Variants in C2orf68 observed in about 807,000 individuals in gnomAD.
C2orf68 encodes the protein chromosome 2 open reading frame 68.
In C2orf68, 15 loss-of-function variants were observed where a neutral mutation model predicts 19.1. The observed-to-expected ratio is 0.79, with a 90% CI of 0.53 to 1.21. C2orf68 has a LOEUF of 1.21. Ranked by LOEUF, C2orf68 falls within the 50% of genes most tolerant of loss-of-function variation. C2orf68 has a pLI of 0.00. For synonymous variants in C2orf68, 98 were observed against 91.0 expected (o/e 1.08, Z -0.44); for missense variants, 242 against 226.6 (o/e 1.07, Z -0.44).
intron 2 of C2orf68, chr2:85,611,450 G>A (rs1034391575): frequency 8.3e-5 from 128 of 1,540,638 alleles, no homozygotes; most frequent in Middle Eastern, 1.7e-4. Context: ...CTGGCTCCCC[G>A]ATACTCTGAC....
rs1015194413 is a variant in C2orf68 at position 85,605,904 on chromosome 2, T to C, written c.*3041A>G. On this transcript the variant is annotated 3_prime_UTR_variant, in exon 4 of 4. Coordinates refer to ENST00000306336, the MANE Select transcript of C2orf68 (RefSeq NM_001013649.4). ...GCATTTGTTGGCTGGGCTCCAACTC[T>C]CATTTGGTACAAAAAGCTTTACATT... 6.6e-6 allele frequency among the ~76,000 whole-genome samples: 1 copy of C among 152,208 alleles called. No homozygotes were observed. Among genetic ancestry groups the C allele is most frequent in the African/African-American group, 2.4e-5 (1 of 41,430 alleles).
intron 3 of C2orf68, 34 bp from the exon 4 acceptor site, chr2:85,609,101 T>A: frequency 6.2e-7 from 1 of 1,609,348 alleles, no homozygotes; most frequent in Non-Finnish European, 8.5e-7. Context: ...GCTCAGGGCC[T>A]GGCCTCTTCC....
rs1053012721 is a variant in C2orf68 at position 85,605,679 on chromosome 2, C to T, written c.*3266G>A. ...TATTCCTCTTTCTGCACACAAAGCC[C>T]TCATTTAAATTTGTGAGCCTGCTTG... On this transcript the variant is annotated 3_prime_UTR_variant, in exon 4 of 4. Transcript: ENST00000306336. Among the ~76,000 whole-genome samples the T allele has an allele frequency of 6.6e-6, 1 of 152,150 alleles. No homozygotes were observed. Among genetic ancestry groups the T allele is most frequent in the Admixed American group, 6.5e-5 (1 of 15,278 alleles).
In C2orf68 at chr2:85,611,991, C is replaced by T; in HGVS notation, c.-7G>A. 6.6e-7 allele frequency: 1 copy of T among 1,520,400 alleles called. No homozygotes were observed. The allele number at this position is 1,520,400 out of a possible 1,614,324, so 94.2% of individuals were successfully genotyped here. A position where few individuals can be genotyped will look rare whatever the true frequency, so the allele number is the denominator to read the frequency against. ...GATGCGGCCCCGCCTCCATCAGGAG[C>T]CGGGGACGCAGAGTCGCCGCCGCCT... On this transcript the variant is annotated 5_prime_UTR_variant, in exon 1 of 4. Transcript: ENST00000306336.
In C2orf68 at chr2:85,611,923, A is replaced by C. The variant is rs760315190; in HGVS notation, c.62T>G (p.Met21Arg). 4 of 1,589,206 alleles carry C rather than the reference A, an allele frequency of 2.5e-6. No individual in the cohort carries two copies. Among genetic ancestry groups the C allele is most frequent in the Non-Finnish European group, 3.4e-6 (4 of 1,174,300 alleles). Residue 21 changes from methionine to arginine, a missense_variant, in exon 1 of 4, where the codon ATG becomes AGG. By Grantham distance (91) the Met-to-Arg change is moderately conservative (BLOSUM62 -1). Coordinates refer to ENST00000306336, the MANE Select transcript of C2orf68 (RefSeq NM_001013649.4). ...HCCKPGGRLD[M>R]NHGFVHHIRR... ...GATATGGTGCACGAAGCCGTGGTTC[A>C]TGTCCAGCCGCCCCCCAGGCTTGCA...
chr2:85,607,351 TA>T lies in C2orf68; in HGVS notation c.*1593del, dbSNP rs1401513615. The T allele has an allele frequency of 1.3e-5, 2 of 152,132 alleles. No homozygotes were observed. Among genetic ancestry groups the T allele is most frequent in the Admixed American group, 6.5e-5 (1 of 15,278 alleles). The allele number at this position is 152,132 out of a possible 1,614,324, so 9.4% of individuals were successfully genotyped here. A position where few individuals can be genotyped will look rare whatever the true frequency, so the allele number is the denominator to read the frequency against. On this transcript the variant is annotated 3_prime_UTR_variant, in exon 4 of 4. Coordinates refer to ENST00000306336, the MANE Select transcript of C2orf68 (RefSeq NM_001013649.4). ...GGAGGCTTTGGAGGGTAGTTAACAT[TA>T]GAAGTCAAAAGGCACTTCTAGCCCA...
In C2orf68 at chr2:85,611,685, T is replaced by TA. The variant is rs900785219; in HGVS notation, c.208dup (p.Tyr70LeufsTer18). The TA allele has an allele frequency of 4.5e-6, 7 of 1,569,658 alleles. No individual in the cohort carries two copies. In the African/African-American group the frequency reaches 9.5e-5, roughly 21 times the overall value. ...GGCCTCACCTCGGTGTCGCGGCAGG[T>TA]ACACCTGCAGGTCTGGCTTGCGGGG... On this transcript the variant is annotated frameshift_variant, in exon 2 of 4. Coordinates refer to ENST00000306336, the MANE Select transcript of C2orf68 (RefSeq NM_001013649.4). LOFTEE classifies it high-confidence loss of function.
intron 3 of C2orf68, 90 bp downstream of exon 3, chr2:85,609,345 G>C: frequency 1.3e-6 from 2 of 1,520,396 alleles, no homozygotes; most frequent in Non-Finnish European, 1.8e-6. Context: ...TTCCCATTGG[G>C]GGTCCTGAGG....
At chr2:85,611,602 T>C (rs1573378155) in intron 2 of C2orf68, 66 bp downstream of exon 2, 2 of 1,554,790 alleles carry the variant, frequency 1.3e-6, no homozygotes, top group Non-Finnish European at 1.7e-6. Flanking sequence ...TTTTTCCCTA[T>C]AGAGAAGGGG....
intron 3 of C2orf68, among the ~76,000 whole-genome samples, 169 bp downstream of exon 3, chr2:85,609,264 CTG>C (rs1209219743): frequency 6.6e-6 from 1 of 152,234 alleles, no homozygotes; most frequent in African/African-American, 2.4e-5. Context: ...CTGAGAATCA[CTG>C]TGAGATGGGA....
chr2:85,611,433 C>T (rs1333411613), intron 2 of C2orf68: 4 of 1,523,542 alleles, frequency 2.6e-6, no homozygotes, highest in Non-Finnish European at 3.5e-6. Flanking sequence ...GGCAGATAAA[C>T]TTCTTGCTGG....
At position 85,608,606 on chromosome 2, in the gene C2orf68, C is replaced by T. The variant is rs1050137572; in HGVS notation, c.*339G>A. 1 of 199,346 alleles carries T rather than the reference C, an allele frequency of 5.0e-6. No individual in the cohort carries two copies. Among genetic ancestry groups the T allele is most frequent in the Admixed American group, 6.1e-5 (1 of 16,472 alleles). 12.3% of individuals were successfully genotyped at this position (199,346 alleles called of 1,614,324 possible). On this transcript the variant is annotated 3_prime_UTR_variant, in exon 4 of 4. Coordinates refer to ENST00000306336, the MANE Select transcript of C2orf68 (RefSeq NM_001013649.4). ...GGAACAGCAGCAGCCAGGCATATGA[C>T]CTCGGTGAGAAAGCACCATGTTGCA... is the stretch of plus-strand genomic sequence containing the variant.
chr2:85,611,529 G>A, intron 2 of C2orf68, 139 bp downstream of exon 2: 2 of 1,551,026 alleles, frequency 1.3e-6, no homozygotes, highest in Non-Finnish European at 1.7e-6. Context: ...GGAGATTTGG[G>A]AGCGCTGAGG....
Position 85,606,802 on chromosome 2 carries a change from G to A in C2orf68, c.*2143C>T, listed in dbSNP as rs1203161909. 3 of 143,176 alleles carry A rather than the reference G, an allele frequency of 2.1e-5. No individual in the cohort carries two copies. Among genetic ancestry groups the A allele is most frequent in the African/African-American group, 7.8e-5 (3 of 38,506 alleles). 8.9% of individuals were successfully genotyped at this position (143,176 alleles called of 1,614,324 possible). ...CTCTTCCTTTTTTTTTTTTTTTTGA[G>A]ATGGAGTCTCGCTCTGCTGCCCAGC... is the stretch of plus-strand genomic sequence containing the variant. On this transcript the variant is annotated 3_prime_UTR_variant, in exon 4 of 4. Coordinates refer to ENST00000306336, the MANE Select transcript of C2orf68 (RefSeq NM_001013649.4).
rs1327179459 is a variant in C2orf68 at position 85,606,731 on chromosome 2, T to TAA, written c.*2212_*2213dup. The TAA allele has an allele frequency of 6.6e-6, 1 of 151,842 alleles. No homozygotes were observed. The highest frequency in any genetic ancestry group is 6.6e-5 in the Admixed American group (1 of 15,236). The allele number at this position is 151,842 out of a possible 1,614,324, so 9.4% of individuals were successfully genotyped here. ...TGTGAGGATTACCACAACAAACACT[T>TAA]AAAAGGATACAACAGGTACTTATTA... On this transcript the variant is annotated 3_prime_UTR_variant, in exon 4 of 4. Transcript: ENST00000306336.
intron 3 of C2orf68, 50 bp from the exon 4 acceptor site, chr2:85,609,117 G>C: frequency 6.2e-7 from 1 of 1,604,592 alleles, no homozygotes; most frequent in Admixed American, 1.7e-5. Context: ...CTTCCAGAAA[G>C]GTGACCTGCC....
In C2orf68 at chr2:85,611,939, C is replaced by G. The variant is rs764957672; in HGVS notation, c.46G>C (p.Gly16Arg). ...HPRPGHCCKP[G>R]GRLDMNHGFV... ...CCGTGGTTCATGTCCAGCCGCCCCC[C>G]AGGCTTGCAGCAGTGCCCCGGCCGG... Residue 16 changes from glycine to arginine, a missense_variant, in exon 1 of 4, where the codon GGG becomes CGG. By Grantham distance (125) the Gly-to-Arg change is moderately radical (BLOSUM62 -2). Transcript: ENST00000306336. 10 of 1,584,344 alleles carry G rather than the reference C, an allele frequency of 6.3e-6. No individual in the cohort carries two copies. The highest frequency in any genetic ancestry group is 1.7e-5 in the Admixed American group (1 of 57,726).
rs974660395 is a variant in C2orf68, at chr2:85,606,408, G to A, written c.*2537C>T. Among the ~76,000 whole-genome samples, 1 of 152,332 alleles carries A rather than the reference G, an allele frequency of 6.6e-6. No homozygotes were observed. Among genetic ancestry groups the A allele is most frequent in the African/African-American group, 2.4e-5 (1 of 41,572 alleles). ...GCAGGTCTGGTGAATAAACTGAATA[G>A]TACTGCCTTGGACCCCAGCTGAGGG... On this transcript the variant is annotated 3_prime_UTR_variant, in exon 4 of 4. Coordinates refer to ENST00000306336, the MANE Select transcript of C2orf68 (RefSeq NM_001013649.4).
Position 85,605,981 on chromosome 2 carries a change from G to A in C2orf68, c.*2964C>T, listed in dbSNP as rs988119009. 3.3e-5 allele frequency among the ~76,000 whole-genome samples: 5 copies of A among 152,148 alleles called. No homozygotes were observed. The highest frequency in any genetic ancestry group is 1.2e-4 in the African/African-American group (5 of 41,420). On this transcript the variant is annotated 3_prime_UTR_variant, in exon 4 of 4. Coordinates refer to ENST00000306336, the MANE Select transcript of C2orf68 (RefSeq NM_001013649.4). ...CAAAGACTTCCGTGCTTGCCAGCTG[G>A]ATAACAACTCAAGCTCTAGTGTTTA...
Sources: allele counts gnomAD v4.1 joint callset (sites outside exome capture counted in the v4.1 genomes callset), GRCh38; gene constraint gnomAD v4.1.1; transcripts MANE v1.5; gene names NCBI Gene and HGNC (gene_info 2026-07-23, HGNC 2026-07-21).